The following PI4KA variants were observed in gnomAD, a reference collection of about 807,000 sequenced individuals.
PI4KA encodes the protein PI4-kinase alpha.
A neutral mutation model predicts 271.4 loss-of-function variants in PI4KA; 122 were observed. The ratio of observed to expected loss-of-function variants is 0.45; its 90% CI spans 0.39 to 0.52. The LOEUF (loss-of-function observed/expected upper bound fraction) is 0.52. Among genes scored for constraint, PI4KA ranks in the 20% least tolerant of loss-of-function variants. PI4KA has a pLI of 0.00. For synonymous variants in PI4KA, 1,041 were observed against 1,078.8 expected (o/e 0.96, Z 0.69); for missense variants, 1,969 against 2,769.1 (o/e 0.71, Z 6.48).
chr22:20,789,034 A>G (rs1181534602), intron 19 of PI4KA, among the ~76,000 whole-genome samples: 4 of 152,090 alleles, frequency 2.6e-5, no homozygotes, highest in Non-Finnish European at 4.4e-5. Context: ...CCCCCGTTTC[A>G]ATGCCTTTTG....
intron 19 of PI4KA, among the ~76,000 whole-genome samples, chr22:20,792,170 T>C (rs951372150): frequency 1.5e-4 from 23 of 152,082 alleles, no homozygotes; most frequent in African/African-American, 5.3e-4. Flanking sequence ...ATATGACATT[T>C]TACTACTAAA....
In PI4KA at chr22:20,709,556, A is replaced by G. The variant is rs1924976565; in HGVS notation, c.6174-177T>C. On this transcript the variant is annotated intron_variant, in intron 53 of 54. Transcript: ENST00000255882. ...CTGTGAAGGCCACGCCTGGCCTATC[A>G]TGGGCCCTGTCCCCTTCCCAGCATC... 51 of 623,200 alleles carry G rather than the reference A, an allele frequency of 8.2e-5. No individual in the cohort carries two copies. In the South Asian group the frequency reaches 8.5e-4, roughly 10 times the overall value. 38.6% of individuals were successfully genotyped at this position (623,200 alleles called of 1,614,324 possible). A position where few individuals can be genotyped will look rare whatever the true frequency, so the allele number is the denominator to read the frequency against.
intron 28 of PI4KA, 85 bp from the exon 29 acceptor site, chr22:20,747,787 T>C: frequency 7.3e-7 from 1 of 1,361,260 alleles, no homozygotes; most frequent in Admixed American, 1.8e-5. Flanking sequence ...CAGGCTGGAG[T>C]GTGGTGGCAC....
chr22:20,759,405 T>TTC (rs1555887749), intron 23 of PI4KA, among the ~76,000 whole-genome samples: 4 of 134,288 alleles, frequency 3.0e-5, no homozygotes, highest in African/African-American at 5.8e-5. Flanking sequence ...TTCTTTTCTT[T>TTC]TTTTTTTTTT....
intron 36 of PI4KA, among the ~76,000 whole-genome samples, chr22:20,730,707 C>T (rs1049421877): frequency 6.6e-6 from 1 of 151,830 alleles, no homozygotes; most frequent in Non-Finnish European, 1.5e-5. Flanking sequence ...AATAGCTGGA[C>T]TACAGACGCC....
At chr22:20,737,118 G>C (rs546221101) in intron 32 of PI4KA, among the ~76,000 whole-genome samples, 1 of 152,222 alleles carries the variant, frequency 6.6e-6, no homozygotes, top group Non-Finnish European at 1.5e-5. Context: ...TGGACTAGGA[G>C]TGACTGGGCT....
intron 4 of PI4KA, among the ~76,000 whole-genome samples, chr22:20,821,483 G>T (rs371724262): frequency 6.6e-6 from 1 of 152,106 alleles, no homozygotes; most frequent in Admixed American, 6.5e-5. Flanking sequence ...GCCTCGCAAA[G>T]TGCTGAGATT....
At chr22:20,806,161 G>T (rs542347466) in intron 10 of PI4KA, among the ~76,000 whole-genome samples, 5 of 152,264 alleles carry the variant, frequency 3.3e-5, no homozygotes, top group Admixed American at 1.3e-4. Context: ...TAGGAAAGTG[G>T]TTACTAAATT....
At chr22:20,850,885 T>G (rs891868771) in intron 1 of PI4KA, among the ~76,000 whole-genome samples, 1 of 152,018 alleles carries the variant, frequency 6.6e-6, no homozygotes, top group Non-Finnish European at 1.5e-5. Context: ...AAAAAAATTT[T>G]TCTTTTTTTA....
At position 20,820,530 on chromosome 22, in the gene PI4KA, T is replaced by A. The variant is rs1177452233; in HGVS notation, c.529+9A>T. 3 of 1,578,044 alleles carry A rather than the reference T, an allele frequency of 1.9e-6. No individual in the cohort carries two copies. The highest frequency in any genetic ancestry group is 8.7e-7 in the Non-Finnish European group (1 of 1,153,794). ...ACCATTTTAAGAAAAACCTTAAGGA[T>A]ACTCGTACCTTTGTCTTGAATCTCC... On this transcript the variant is annotated intron_variant, in intron 5 of 54. Transcript: ENST00000255882.
chr22:20,813,439 G>A lies in PI4KA; in HGVS notation c.924C>T (p.Phe308=). 1 of 1,613,798 alleles carries A rather than the reference G, an allele frequency of 6.2e-7. No homozygotes were observed. Among genetic ancestry groups the A allele is most frequent in the East Asian group, 2.2e-5 (1 of 44,876 alleles). Residue 308 remains phenylalanine, a synonymous_variant, in exon 8 of 55, where the codon TTC becomes TTT. Transcript: ENST00000255882. ...CACCGTTGAAAAGGGGAGAGACTGAGAAGCTGGAGCTGATGGTTGAAAAGT... is the reference window on the plus strand; with the variant it reads ...CACCGTTGAAAAGGGGAGAGACTGAAAAGCTGGAGCTGATGGTTGAAAAGT... The part of the protein sequence containing the change: ...EYYFSTISSS[F]SVSPLFNGVT...
intron 19 of PI4KA, chr22:20,779,839 A>T (rs1933622967): frequency 6.2e-7 from 1 of 1,614,106 alleles, no homozygotes; most frequent in Non-Finnish European, 8.5e-7. Flanking sequence ...ACCCATGAAC[A>T]AGTGCACTCG....
intron 30 of PI4KA, among the ~76,000 whole-genome samples, chr22:20,743,947 G>A (rs868011213): frequency 1.1e-4 from 16 of 152,082 alleles, no homozygotes; most frequent in Admixed American, 5.9e-4. Context: ...CCAGCTACTC[G>A]GGAGGCTGAG....
chr22:20,732,729 A>T (rs928910529), intron 36 of PI4KA, among the ~76,000 whole-genome samples: 1 of 152,204 alleles, frequency 6.6e-6, no homozygotes, highest in African/African-American at 2.4e-5. Flanking sequence ...GTGCAGGGAA[A>T]GTGCGGTGAG....
At chr22:20,793,286 C>T (rs1296882578) in intron 18 of PI4KA, 43 bp from the exon 19 acceptor site, 12 of 1,105,464 alleles carry the variant, frequency 1.1e-5, no homozygotes, top group Admixed American at 1.9e-5. Flanking sequence ...GTATGTGTTT[C>T]TTTTATTAAA....
chr22:20,804,215 C>T (rs1200888465), intron 12 of PI4KA, 85 bp downstream of exon 12: 1 of 909,838 alleles, frequency 1.1e-6, no homozygotes, highest in African/African-American at 1.6e-5. Flanking sequence ...GCTGGTGTGC[C>T]CACCACAGCC....
At chr22:20,851,234 G>A (rs1926936429) in intron 1 of PI4KA, among the ~76,000 whole-genome samples, 1 of 151,836 alleles carries the variant, frequency 6.6e-6, no homozygotes, top group South Asian at 2.1e-4. Flanking sequence ...TCTAATACCA[G>A]GGCCTAGCAC....
chr22:20,791,416 A>G (rs1486838579), intron 19 of PI4KA, among the ~76,000 whole-genome samples: 2 of 152,126 alleles, frequency 1.3e-5, no homozygotes, highest in Admixed American at 6.5e-5. Flanking sequence ...ACAAGCATAC[A>G]CTACTCAACA....
At chr22:20,784,274 G>C in intron 19 of PI4KA, 2 of 1,613,904 alleles carry the variant, frequency 1.2e-6, no homozygotes. Flanking sequence ...TTGTTCTTTT[G>C]AGCTCCCAGA....
Sources: gnomAD v4.1 joint callset for allele counts (sites outside exome capture counted in the v4.1 genomes callset) on GRCh38, gnomAD v4.1.1 for gene constraint, MANE v1.5 for transcripts, NCBI Gene and HGNC (gene_info 2026-07-23, HGNC 2026-07-21) for gene names.